Variants in SPOCK1 observed in about 807,000 individuals in gnomAD.
SPOCK1 encodes the protein SPARC (osteonectin), cwcv and kazal like domains proteoglycan 1, also known as testican-1.
SPOCK1 carries 23 observed loss-of-function variants against 55.3 expected under a neutral mutation model. The observed-to-expected ratio is 0.42, with a 90% CI of 0.30 to 0.59. The LOEUF (loss-of-function observed/expected upper bound fraction) is 0.59. SPOCK1 is among the 20% of genes least tolerant of loss of function. The pLI is 0.22. For missense variants in SPOCK1, 499 were observed against 552.5 expected (o/e 0.90, Z 0.97); for synonymous variants, 226 against 221.0 (o/e 1.02, Z -0.20).
intron 2 of SPOCK1, among the ~76,000 whole-genome samples, chr5:137,371,216 T>C (rs145972921): frequency 1.3e-5 from 2 of 152,346 alleles, no homozygotes; most frequent in African/African-American, 4.8e-5. Flanking sequence ...CAGACTGACC[T>C]AGATTCAAGG....
intron 2 of SPOCK1, among the ~76,000 whole-genome samples, chr5:137,416,521 T>C (rs973270717): frequency 6.6e-6 from 1 of 152,110 alleles, no homozygotes; most frequent in African/African-American, 2.4e-5. Flanking sequence ...AGTGATAGCC[T>C]TATATAATCC....
intron 3 of SPOCK1, among the ~76,000 whole-genome samples, chr5:137,200,304 T>C (rs1464161488): frequency 6.6e-6 from 1 of 152,220 alleles, no homozygotes; most frequent in Non-Finnish European, 1.5e-5. Context: ...TCTTTGCTCA[T>C]TGGCAGCTTC....
At chr5:137,167,018 T>C (rs1372326391) in intron 3 of SPOCK1, among the ~76,000 whole-genome samples, 1 of 151,932 alleles carries the variant, frequency 6.6e-6, no homozygotes, top group African/African-American at 2.4e-5. Flanking sequence ...TGAAAAGTCA[T>C]AGAGTGGCTG....
chr5:137,103,022 G>C (rs964897090), intron 5 of SPOCK1, among the ~76,000 whole-genome samples: 9 of 152,044 alleles, frequency 5.9e-5, no homozygotes, highest in African/African-American at 1.9e-4. Context: ...ATAGAATCTT[G>C]CTCTGTTGCC....
At chr5:137,361,181 A>G (rs1001310480) in intron 2 of SPOCK1, among the ~76,000 whole-genome samples, 2 of 152,188 alleles carry the variant, frequency 1.3e-5, no homozygotes, top group Non-Finnish European at 2.9e-5. Context: ...CAAGAACTGA[A>G]TCTGCCAGCA....
At chr5:137,203,658 T>A (rs1755467543) in intron 3 of SPOCK1, among the ~76,000 whole-genome samples, 1 of 152,178 alleles carries the variant, frequency 6.6e-6, no homozygotes, top group Non-Finnish European at 1.5e-5. Flanking sequence ...CTCTCTATAA[T>A]CCTCGAGAAC....
At chr5:137,186,088 A>G (rs1755064432) in intron 3 of SPOCK1, among the ~76,000 whole-genome samples, 1 of 152,222 alleles carries the variant, frequency 6.6e-6, no homozygotes, top group Non-Finnish European at 1.5e-5. Flanking sequence ...AAGCCTTCTG[A>G]AAATCCTGAT....
At chr5:137,062,724 T>C (rs1752416990) in intron 6 of SPOCK1, among the ~76,000 whole-genome samples, 1 of 122,734 alleles carries the variant, frequency 8.1e-6, no homozygotes, top group Non-Finnish European at 1.7e-5. Context: ...GGAGAGACCT[T>C]TCCTGAAAAA....
intron 2 of SPOCK1, among the ~76,000 whole-genome samples, chr5:137,485,759 GA>G (rs146681661): frequency 3.3e-4 from 49 of 150,646 alleles, no homozygotes; most frequent in African/African-American, 1.2e-3. Context: ...ATTTAATGTT[GA>G]AAAAAAAAGA....
intron 5 of SPOCK1, among the ~76,000 whole-genome samples, chr5:137,083,484 C>T (rs577291955): frequency 3.0e-4 from 46 of 152,258 alleles, no homozygotes; most frequent in Admixed American, 2.2e-3. Flanking sequence ...GGCAGCGGCA[C>T]TCCATTTATT....
chr5:137,301,747 C>T (rs1757594974), intron 2 of SPOCK1, among the ~76,000 whole-genome samples: 1 of 150,544 alleles, frequency 6.6e-6, no homozygotes. Context: ...AAGGTGATTC[C>T]ATGCCTTACA....
At chr5:137,195,391 G>A (rs908790335) in intron 3 of SPOCK1, among the ~76,000 whole-genome samples, 2 of 152,184 alleles carry the variant, frequency 1.3e-5, no homozygotes, top group African/African-American at 4.8e-5. Context: ...AGACATTTAC[G>A]AAGATAATTT....
intron 3 of SPOCK1, among the ~76,000 whole-genome samples, chr5:137,144,702 T>C (rs983540543): frequency 3.9e-5 from 6 of 152,136 alleles, no homozygotes; most frequent in African/African-American, 9.7e-5. Flanking sequence ...CCAGCACCAG[T>C]ACTGGAAAGG....
chr5:137,099,350 A>G (rs1295934921), intron 5 of SPOCK1, among the ~76,000 whole-genome samples: 1 of 152,156 alleles, frequency 6.6e-6, no homozygotes, highest in African/African-American at 2.4e-5. Flanking sequence ...GGTTGGGGCA[A>G]AAGTAATTGC....
At chr5:137,012,389 C>T (rs1751367856) in intron 6 of SPOCK1, among the ~76,000 whole-genome samples, 1 of 152,134 alleles carries the variant, frequency 6.6e-6, no homozygotes, top group Non-Finnish European at 1.5e-5. Context: ...TTATGTTGGT[C>T]TCTGGTACAT....
intron 3 of SPOCK1, among the ~76,000 whole-genome samples, chr5:137,164,225 C>CT (rs886890320): frequency 3.1e-4 from 47 of 150,182 alleles, no homozygotes; most frequent in East Asian, 2.1e-3. Context: ...TTAAGTTTGT[C>CT]TTTTTTTTTT....
intron 3 of SPOCK1, among the ~76,000 whole-genome samples, chr5:137,204,608 T>C (rs746327736): frequency 2.0e-5 from 3 of 151,820 alleles, no homozygotes; most frequent in Non-Finnish European, 2.9e-5. Context: ...AGACTCCCCC[T>C]CCTCTCTTGC....
chr5:137,381,007 T>A (rs962008739), intron 2 of SPOCK1, among the ~76,000 whole-genome samples: 1 of 152,142 alleles, frequency 6.6e-6, no homozygotes, highest in Non-Finnish European at 1.5e-5. Flanking sequence ...ACACAAGTTA[T>A]GTACTTCCAA....
chr5:137,066,987 C>CACAGAGAGAGAGAGAGAGAGAG (rs1343691789), intron 6 of SPOCK1, among the ~76,000 whole-genome samples: 1 of 139,588 alleles, frequency 7.2e-6, no homozygotes, highest in Non-Finnish European at 1.5e-5. Flanking sequence ...CACACACACA[C>CACAGAGAGAGAGAGAGAGAGAG]AGAGAGAGAG....
Sources: allele counts gnomAD v4.1 joint callset (sites outside exome capture counted in the v4.1 genomes callset), GRCh38; gene constraint gnomAD v4.1.1; transcripts MANE v1.5; gene names NCBI Gene and HGNC (gene_info 2026-07-23, HGNC 2026-07-21).